Variants in RAB24 observed in about 807,000 individuals in gnomAD.
The protein encoded by RAB24 is RAB24, member RAS oncogene family, also known as ras-related protein Rab-24.
RAB24 carries 9 observed loss-of-function variants against 31.4 expected under a neutral mutation model. The ratio of observed to expected loss-of-function variants is 0.29; its 90% CI spans 0.17 to 0.50. RAB24 has a LOEUF of 0.50. Among genes scored for constraint, RAB24 ranks in the 20% least tolerant of loss-of-function variants. The probability of loss-of-function intolerance (pLI) is 0.98; values close to 1 mark genes in which losing one functional copy is unlikely to be tolerated. For missense variants in RAB24, 197 were observed against 265.2 expected (o/e 0.74, Z 1.79); for synonymous variants, 106 against 94.1 (o/e 1.13, Z -0.73).
In RAB24 at chr5:177,301,743, T is replaced by A; in HGVS notation, c.612A>T (p.Ter204CysextTer10). 1.2e-6 allele frequency: 2 copies of A among 1,614,156 alleles called. No homozygotes were observed. Among genetic ancestry groups the A allele is most frequent in the Non-Finnish European group, 1.7e-6 (2 of 1,179,976 alleles). The change falls in exon 8 of 8, where the codon TGA (stop) becomes TGT (cysteine). Residue 204 changes from the stop codon to cysteine, a stop_lost. Transcript: ENST00000303251. ...TCCCCCAGGCCAGGTGAGTGCTGACTCAGTGATGACAACAGCTGTAGAAGT... is the reference window on the plus strand; with the variant it reads ...TCCCCCAGGCCAGGTGAGTGCTGACACAGTGATGACAACAGCTGTAGAAGT... The part of the protein sequence containing the change: ...NPYFYSCCHH[*>C]
At chr5:177,302,373 C>T in intron 5 of RAB24, 24 bp downstream of exon 5, 4 of 1,611,994 alleles carry the variant, frequency 2.5e-6, no homozygotes, top group East Asian at 2.2e-5. Context: ...ACCCCCACCC[C>T]CCAAAGGGCT....
chr5:177,301,793 C>G lies in RAB24; in HGVS notation c.562G>C (p.Asp188His), dbSNP rs754332775. ...TAGGGGTTTGGCTTCTGGCCCAGAT[C>G]CACGCCCTTGTCCTCTGTCAAAAAG... ...FQVMTEDKGV[D>H]LGQKPNPYFY... Residue 188 changes from aspartate (D) to histidine (H), a missense_variant, in exon 8 of 8, where the codon GAT becomes CAT. Asp to His is a moderately conservative substitution (Grantham distance 81). Transcript: ENST00000303251. 6.2e-7 allele frequency: 1 copy of G among 1,614,232 alleles called. No individual in the cohort carries two copies. The highest frequency in any genetic ancestry group is 8.5e-7 in the Non-Finnish European group (1 of 1,180,036).
chr5:177,303,121 C>T lies in RAB24; in HGVS notation c.118-44G>A, dbSNP rs755992799. ...GATCGGGGCCATAGGTGCAGATTACCGGCCCCCCACTCCCCCGCCCACCGT... is the reference window on the plus strand; with the variant it reads ...GATCGGGGCCATAGGTGCAGATTACTGGCCCCCCACTCCCCCGCCCACCGT... On this transcript the variant is annotated intron_variant, in intron 1 of 7. Transcript: ENST00000303251. This position sits in a 1 kb window ranked among gnomAD's most constrained non-coding sequence, Gnocchi z 6.1. The T allele has an allele frequency of 9.9e-6, 16 of 1,612,848 alleles. No individual in the cohort carries two copies. Among genetic ancestry groups the T allele is most frequent in the African/African-American group, 1.3e-5 (1 of 74,866 alleles).
In RAB24 at chr5:177,303,377, C is replaced by T; in HGVS notation, c.-89G>A. The T allele has an allele frequency of 7.7e-7, 1 of 1,302,454 alleles. No homozygotes were observed. The highest frequency in any genetic ancestry group is 1.1e-6 in the Non-Finnish European group (1 of 916,146). 80.7% of individuals were successfully genotyped at this position (1,302,454 alleles called of 1,614,324 possible). ...CCGCTCGGCCCAGGCAGCGCCCAAGCCTCAGACCCCGACCCCAAACGGCGC... is the reference window on the plus strand; with the variant it reads ...CCGCTCGGCCCAGGCAGCGCCCAAGTCTCAGACCCCGACCCCAAACGGCGC... On this transcript the variant is annotated 5_prime_UTR_variant, in exon 1 of 8. Transcript: ENST00000303251. The surrounding 1 kb of genome is among the most constrained non-coding windows in gnomAD (Gnocchi z 6.1).
At position 177,302,994 on chromosome 5, in the gene RAB24, G is replaced by A. The variant is rs530937548; in HGVS notation, c.186+15C>T. On this transcript the variant is annotated intron_variant, in intron 2 of 7. Transcript: ENST00000303251. ...AGGAATGAGTCTCCCAAGAATAGAT[G>A]GCCGGGGGACTTACCCAAATACCTA... 1 of 1,613,458 alleles carries A rather than the reference G, an allele frequency of 6.2e-7. No homozygotes were observed. Among genetic ancestry groups the A allele is most frequent in the African/African-American group, 1.3e-5 (1 of 75,032 alleles).
chr5:177,302,165 C>G lies in RAB24; in HGVS notation c.447G>C (p.Gln149His), dbSNP rs1760696424. 3.7e-6 allele frequency: 6 copies of G among 1,614,196 alleles called. No homozygotes were observed. In the East Asian group the frequency reaches 1.1e-4, roughly 30 times the overall value. Residue 149 changes from glutamine to histidine, a missense_variant, in exon 6 of 8, where the codon CAG becomes CAC. By Grantham distance (24) the Gln-to-His change is conservative. Around this residue, in one of 2 missense-constraint regions of RAB24, gnomAD observed 148 missense variants for 159.7 expected, o/e 0.93. Coordinates refer to ENST00000303251, the MANE Select transcript of RAB24 (RefSeq NM_001031677.4). ...CTGTCTTGCTGGATGTTTCAAAGAG[C>G]TGAGCTTTGATATCTGTAAAGAGAA... is the stretch of plus-strand genomic sequence containing the variant. ...VQDYADNIKAQLFETSSKTGQ... is the reference protein window; with the variant it reads ...VQDYADNIKAHLFETSSKTGQ...
In RAB24 at chr5:177,303,001, G is replaced by A. The variant is rs779535905; in HGVS notation, c.186+8C>T. 2 of 1,613,790 alleles carry A rather than the reference G, an allele frequency of 1.2e-6. No individual in the cohort carries two copies. Among genetic ancestry groups the A allele is most frequent in the Admixed American group, 1.7e-5 (1 of 60,008 alleles). On this transcript the variant is annotated splice_region_variant and intron_variant, in intron 2 of 7. Coordinates refer to ENST00000303251, the MANE Select transcript of RAB24 (RefSeq NM_001031677.4). This position sits in a 1 kb window ranked among gnomAD's most constrained non-coding sequence, Gnocchi z 6.1. ...AGTCTCCCAAGAATAGATGGCCGGG[G>A]GACTTACCCAAATACCTAATGTCAC...
chr5:177,302,243 A>C, intron 5 of RAB24, 65 bp from the exon 6 acceptor site: 2 of 1,594,644 alleles, frequency 1.3e-6, no homozygotes, highest in Non-Finnish European at 1.7e-6. Context: ...AGGGAGGGCT[A>C]GCAGTTCAGG....
chr5:177,302,122 A>T lies in RAB24; in HGVS notation c.484+6T>A. On this transcript the variant is annotated splice_donor_region_variant and intron_variant, in intron 6 of 7. Coordinates refer to ENST00000303251, the MANE Select transcript of RAB24 (RefSeq NM_001031677.4). ...TCCTGCTGTGAGGCTCCAGCACAGC[A>T]CTCACCCACACTCTGGCCTGTCTTG... is the stretch of plus-strand genomic sequence containing the variant. The T allele has an allele frequency of 6.2e-7, 1 of 1,614,004 alleles. No homozygotes were observed. Among genetic ancestry groups the T allele is most frequent in the Non-Finnish European group, 8.5e-7 (1 of 1,179,922 alleles).
In RAB24 at chr5:177,303,410, C is replaced by T. The variant is rs1760754951; in HGVS notation, c.-122G>A. ...CCCGACCCCAAACGGCGCCAACCTA[C>T]GACTCCAGACAGCGCGTCGGGCTCG... On this transcript the variant is annotated 5_prime_UTR_variant, in exon 1 of 8. Transcript: ENST00000303251. This position sits in a 1 kb window ranked among gnomAD's most constrained non-coding sequence, Gnocchi z 6.1. 7.0e-6 allele frequency: 6 copies of T among 853,894 alleles called. No individual in the cohort carries two copies. The highest frequency in any genetic ancestry group is 1.1e-5 in the Non-Finnish European group (6 of 537,474). The allele number at this position is 853,894 out of a possible 1,614,324, so 52.9% of individuals were successfully genotyped here.
intron 6 of RAB24, 63 bp from the exon 7 acceptor site, chr5:177,302,050 C>G: frequency 6.2e-7 from 1 of 1,610,230 alleles, no homozygotes; most frequent in Non-Finnish European, 8.5e-7. Context: ...CTCCCAGTGA[C>G]CCAGCCCTCT....
intron 4 of RAB24, 29 bp from the exon 5 acceptor site, chr5:177,302,525 C>G (rs544733474): frequency 3.1e-6 from 5 of 1,614,058 alleles, no homozygotes; most frequent in Non-Finnish European, 4.2e-6. Flanking sequence ...GTCACCTCCA[C>G]AGGCCAACAA....
Position 177,303,027 on chromosome 5 carries a change from A to G in RAB24, c.168T>C (p.Thr56=). 6.2e-7 allele frequency: 1 copy of G among 1,614,128 alleles called. No individual in the cohort carries two copies. The highest frequency in any genetic ancestry group is 8.5e-7 in the Non-Finnish European group (1 of 1,180,050). Residue 56 remains threonine, a synonymous_variant, in exon 2 of 8, where the codon ACT becomes ACC. Transcript: ENST00000303251. The surrounding 1 kb of genome is among the most constrained non-coding windows in gnomAD (Gnocchi z 6.1). ...GACTTACCCAAATACCTAATGTCAC[A>G]GTCCGGTCTCCGACCGACATCACCT... ...VAKVMSVGDR[T]VTLGIWDTAG...
chr5:177,303,702 C>T lies in RAB24; in HGVS notation c.-414G>A. 2.8e-6 allele frequency: 1 copy of T among 362,352 alleles called. No homozygotes were observed. The allele number at this position is 362,352 out of a possible 1,614,324, so 22.4% of individuals were successfully genotyped here. A position where few individuals can be genotyped will look rare whatever the true frequency, so the allele number is the denominator to read the frequency against. On this transcript the variant is annotated 5_prime_UTR_variant, in exon 1 of 8. Coordinates refer to ENST00000303251, the MANE Select transcript of RAB24 (RefSeq NM_001031677.4). This position sits in a 1 kb window ranked among gnomAD's most constrained non-coding sequence, Gnocchi z 6.1. Reference sequence around the variant, plus strand: ...CTCCTACCCGCAGCGCCGCGACTCCCGCGGGAGGGGGCTAGAGGGCGAGGG... The same window carrying T: ...CTCCTACCCGCAGCGCCGCGACTCCTGCGGGAGGGGGCTAGAGGGCGAGGG...
chr5:177,302,862 C>A (rs1760728200), intron 2 of RAB24, 32 bp from the exon 3 acceptor site: 2 of 1,608,858 alleles, frequency 1.2e-6, no homozygotes, highest in Non-Finnish European at 1.7e-6. Flanking sequence ...AAACTTAAGG[C>A]CACGTTCTCC....
chr5:177,302,990 A>AGAT lies in RAB24; in HGVS notation c.186+16_186+18dup. Reference sequence around the variant, plus strand: ...CCTCAGGAATGAGTCTCCCAAGAATAGATGGCCGGGGGACTTACCCAAATA... The same window carrying AGAT: ...CCTCAGGAATGAGTCTCCCAAGAATAGATGATGGCCGGGGGACTTACCCAAATA... On this transcript the variant is annotated intron_variant, in intron 2 of 7. Transcript: ENST00000303251. The AGAT allele has an allele frequency of 1.2e-6, 2 of 1,613,082 alleles. No individual in the cohort carries two copies. The highest frequency in any genetic ancestry group is 1.7e-6 in the Non-Finnish European group (2 of 1,179,180).
rs1449100248 is a variant in RAB24, at chr5:177,303,439, T to G, written c.-151A>C. On this transcript the variant is annotated 5_prime_UTR_variant, in exon 1 of 8. Coordinates refer to ENST00000303251, the MANE Select transcript of RAB24 (RefSeq NM_001031677.4). The surrounding 1 kb of genome is among the most constrained non-coding windows in gnomAD (Gnocchi z 6.1). ...TCCAGACAGCGCGTCGGGCTCGAGC[T>G]CTGGCCGTGGCCTTGCACTTCGGCA... The G allele has an allele frequency of 8.6e-6, 6 of 698,622 alleles. No homozygotes were observed. The African/African-American group carries it at 8.9e-5, about 10-fold the overall frequency. 43.3% of individuals were successfully genotyped at this position (698,622 alleles called of 1,614,324 possible).
chr5:177,303,312 G>A lies in RAB24; in HGVS notation c.-24C>T, dbSNP rs367829657. On this transcript the variant is annotated 5_prime_UTR_variant, in exon 1 of 8. It adds an upstream start codon to the 5' untranslated region. Transcript: ENST00000303251. This position sits in a 1 kb window ranked among gnomAD's most constrained non-coding sequence, Gnocchi z 6.1. The stretch of plus-strand genomic sequence containing the variant: ...ATGCTCCCGGGGCCGCTTCAGCCAC[G>A]TCAGGGTCCTGAGCGGGGACGGGAG... The A allele has an allele frequency of 1.1e-5, 18 of 1,609,632 alleles. No homozygotes were observed. Among genetic ancestry groups the A allele is most frequent in the Non-Finnish European group, 1.5e-5 (18 of 1,176,806 alleles).
In RAB24 at chr5:177,303,497, G is replaced by T; in HGVS notation, c.-209C>A. On this transcript the variant is annotated 5_prime_UTR_variant, in exon 1 of 8. Coordinates refer to ENST00000303251, the MANE Select transcript of RAB24 (RefSeq NM_001031677.4). This position sits in a 1 kb window ranked among gnomAD's most constrained non-coding sequence, Gnocchi z 6.1. Reference sequence around the variant, plus strand: ...GTGTGCCCCCGCTGTTCGGCCCCGGGCGCCGATTATCCTTCGAAGACCCCA... The same window carrying T: ...GTGTGCCCCCGCTGTTCGGCCCCGGTCGCCGATTATCCTTCGAAGACCCCA... 1.7e-6 allele frequency: 1 copy of T among 605,510 alleles called. No homozygotes were observed. Among genetic ancestry groups the T allele is most frequent in the South Asian group, 2.0e-5 (1 of 50,972 alleles). The allele number at this position is 605,510 out of a possible 1,614,324, so 37.5% of individuals were successfully genotyped here.
Sources: allele counts gnomAD v4.1 joint callset, GRCh38; gene constraint gnomAD v4.1.1; regional missense constraint gnomAD v4.1.1; non-coding constraint Gnocchi (gnomAD v3.1); transcripts MANE v1.5; gene names NCBI Gene and HGNC (gene_info 2026-07-23, HGNC 2026-07-21).